Variants in HYAL4 observed in about 807,000 individuals in gnomAD.
HYAL4 encodes hyaluronidase 4, also known as hyaluronidase-4.
A neutral mutation model predicts 35.2 loss-of-function variants in HYAL4; 37 were observed. The ratio of observed to expected loss-of-function variants is 1.05; its 90% CI spans 0.81 to 1.38. The LOEUF is 1.38. Ranked by LOEUF, HYAL4 falls within the 40% of genes most tolerant of loss-of-function variation. The pLI is 0.00. For missense variants in HYAL4, 572 were observed against 572.4 expected (o/e 1.00, Z 0.01); for synonymous variants, 198 against 203.2 (o/e 0.97, Z 0.22).
the HYAL4 span, among the ~76,000 whole-genome samples, chr7:123,819,652 A>T: frequency 1.3e-5 from 2 of 152,088 alleles, no homozygotes; most frequent in African/African-American, 4.8e-5. Context: ...CAGACAGCTA[A>T]GTGAGAAACT....
chr7:123,864,777 C>CT (rs1443989546), intron 2 of HYAL4, among the ~76,000 whole-genome samples: 1 of 151,488 alleles, frequency 6.6e-6, no homozygotes, highest in East Asian at 2.0e-4. Flanking sequence ...AAAACAGTGT[C>CT]TGAGAGGGGT....
chr7:123,808,217 A>G, the HYAL4 span, among the ~76,000 whole-genome samples: 4 of 152,072 alleles, frequency 2.6e-5, no homozygotes, highest in Non-Finnish European at 5.9e-5. Context: ...GCAAATTCCA[A>G]TGTGATTTTT....
At chr7:123,803,588 T>C in the HYAL4 span, among the ~76,000 whole-genome samples, 1 of 152,228 alleles carries the variant, frequency 6.6e-6, no homozygotes. Context: ...CTTTTCGATA[T>C]AAATGTAGGT....
At chr7:123,875,887 CATG>C in intron 4 of HYAL4, 1 of 368,588 alleles carries the variant, frequency 2.7e-6, no homozygotes, top group Non-Finnish European at 5.4e-6. Context: ...TTTGCAAGTC[CATG>C]ATGATCTGAT....
the HYAL4 span, among the ~76,000 whole-genome samples, chr7:123,818,224 T>A: frequency 6.6e-6 from 1 of 152,218 alleles, no homozygotes; most frequent in Admixed American, 6.5e-5. Context: ...GTATTTGGAT[T>A]CTGTTTATAC....
chr7:123,827,981 T>G (rs1235239685), upstream of HYAL4, among the ~76,000 whole-genome samples: 4 of 152,188 alleles, frequency 2.6e-5, no homozygotes, highest in Non-Finnish European at 4.4e-5. Flanking sequence ...CCTGCCAGGC[T>G]CTTCTGGATT....
intron 2 of HYAL4, among the ~76,000 whole-genome samples, chr7:123,849,380 A>C (rs1330083453): frequency 6.6e-6 from 1 of 151,234 alleles, no homozygotes; most frequent in Non-Finnish European, 1.5e-5. Context: ...GGCTCACTGC[A>C]ACTTCTGCCT....
intron 3 of HYAL4, 76 bp from the exon 4 acceptor site, chr7:123,874,685 G>A (rs752366005): frequency 3.4e-5 from 29 of 857,036 alleles, no homozygotes; most frequent in South Asian, 4.2e-5. Flanking sequence ...GATTACAGGC[G>A]TGAGCCACCG....
upstream of HYAL4, among the ~76,000 whole-genome samples, chr7:123,841,510 A>G (rs1806058586): frequency 6.6e-6 from 1 of 152,064 alleles, no homozygotes; most frequent in Non-Finnish European, 1.5e-5. Context: ...GCCTCATAGA[A>G]TGAGTTAGAG....
At chr7:123,778,062 CACAAG>C in the HYAL4 span, among the ~76,000 whole-genome samples, 4 of 151,952 alleles carry the variant, frequency 2.6e-5, no homozygotes, top group African/African-American at 9.7e-5. Context: ...GTAAGAACAG[CACAAG>C]ACAACTCCTA....
chr7:123,781,476 G>C, the HYAL4 span, among the ~76,000 whole-genome samples: 1 of 142,376 alleles, frequency 7.0e-6, no homozygotes, highest in Non-Finnish European at 1.5e-5. Flanking sequence ...TCCATATGCT[G>C]AACGCTGGTT....
At chr7:123,842,953 A>G (rs1229775514), upstream of HYAL4, among the ~76,000 whole-genome samples, 2 of 151,820 alleles carry the variant, frequency 1.3e-5, no homozygotes, top group Non-Finnish European at 2.9e-5. Context: ...TATTTATCCA[A>G]TTTGCCAGTC....
the HYAL4 span, among the ~76,000 whole-genome samples, chr7:123,812,363 G>GTAAT: frequency 0.11 from 17,212 of 151,994 alleles, 1,100 homozygotes; most frequent in Non-Finnish European, 0.14. Context: ...TAAAATCTCA[G>GTAAT]CAGCATGTAG....
At chr7:123,842,446 T>C (rs1806089369), upstream of HYAL4, among the ~76,000 whole-genome samples, 1 of 152,060 alleles carries the variant, frequency 6.6e-6, no homozygotes, top group Non-Finnish European at 1.5e-5. Flanking sequence ...ATAAGTGCGA[T>C]GTGGTGCTGA....
At chr7:123,815,579 G>A in the HYAL4 span, among the ~76,000 whole-genome samples, 3 of 152,094 alleles carry the variant, frequency 2.0e-5, no homozygotes, top group Non-Finnish European at 4.4e-5. Flanking sequence ...TTTATATAAG[G>A]AGACAGATAT....
Position 123,849,542 on chromosome 7 carries a change from T to C in HYAL4, c.-52+1384T>C, listed in dbSNP as rs1013104893. ...GTCTTGAACTCCTGGCCTCAAGTGA[T>C]TGGACCATTTTGGCCTCCCAAAGTG... On this transcript the variant is annotated intron_variant, in intron 2 of 4. Coordinates refer to ENST00000223026, the MANE Select transcript of HYAL4 (RefSeq NM_012269.3). Among the ~76,000 whole-genome samples the C allele has an allele frequency of 7.9e-5, 12 of 152,168 alleles. 1 individual carries two copies. Among genetic ancestry groups the C allele is most frequent in the Non-Finnish European group, 4.4e-5 (3 of 68,022 alleles).
At chr7:123,778,143 T>TTCTA in the HYAL4 span, among the ~76,000 whole-genome samples, 6 of 135,476 alleles carry the variant, frequency 4.4e-5, no homozygotes, top group Non-Finnish European at 7.8e-5. Flanking sequence ...ATACCCATCT[T>TTCTA]TCTATCTGTC....
chr7:123,870,434 GAAT>G (rs1161015904), intron 3 of HYAL4, among the ~76,000 whole-genome samples: 3 of 152,098 alleles, frequency 2.0e-5, no homozygotes, highest in African/African-American at 7.2e-5. Context: ...ATTGAATGAA[GAAT>G]AATAGGAAGT....
At position 123,868,561 on chromosome 7, in the gene HYAL4, A is replaced by T. The variant is rs771834908; in HGVS notation, c.288A>T (p.Gly96=). ...CTATATTTTATGTCAACAGATTGGG[A>T]TACTATCCGTGGTATACATCACAAG... ...NVTIFYVNRL[G]YYPWYTSQGV... The change falls in exon 3 of 5, where the codon GGA becomes GGT. Residue 96 remains glycine, a synonymous_variant. Coordinates refer to ENST00000223026, the MANE Select transcript of HYAL4 (RefSeq NM_012269.3). 3 of 1,613,818 alleles carry T rather than the reference A, an allele frequency of 1.9e-6. No individual in the cohort carries two copies. The highest frequency in any genetic ancestry group is 2.5e-6 in the Non-Finnish European group (3 of 1,179,936).
Sources: gnomAD v4.1 joint callset for allele counts (sites outside exome capture counted in the v4.1 genomes callset) on GRCh38, gnomAD v4.1.1 for gene constraint, MANE v1.5 for transcripts, NCBI Gene and HGNC (gene_info 2026-07-23, HGNC 2026-07-21) for gene names.